FBLN1: variants seen among roughly 807,000 people sequenced by gnomAD.
FBLN1 encodes fibulin-1.
A neutral mutation model predicts 89.7 loss-of-function variants in FBLN1; 34 were observed. The observed-to-expected ratio is 0.38, with a 90% CI of 0.29 to 0.50. The LOEUF is 0.50. FBLN1 is among the 20% of genes least tolerant of loss of function. The probability of loss-of-function intolerance (pLI) is 0.92; values close to 1 mark genes in which losing one functional copy is unlikely to be tolerated. For missense variants in FBLN1, 777 were observed against 988.1 expected (o/e 0.79, Z 2.86); for synonymous variants, 393 against 391.3 (o/e 1.00, Z -0.05).
chr22:45,551,980 G>A (rs574447871), intron 14 of FBLN1, among the ~76,000 whole-genome samples: 1 of 152,380 alleles, frequency 6.6e-6, no homozygotes, highest in South Asian at 2.1e-4. Context: ...CTAAGCCTGA[G>A]GGTGGGCGGG....
chr22:45,600,326 G>T lies in FBLN1; in HGVS notation c.1992G>T (p.Arg664=), dbSNP rs1920924832. Residue 664 remains arginine (R), a synonymous_variant, in exon 17 of 17, where the codon CGG becomes CGT. Transcript: ENST00000327858. The part of the protein sequence containing the change: ...GMTVGVVRQV[R]PIVGPFHAVL... ...CCGCAGGTGTCGTGCGCCAGGTGCG[G>T]CCCATCGTGGGCCCATTTCATGCCG... is the stretch of plus-strand genomic sequence containing the variant. 1.2e-6 allele frequency: 2 copies of T among 1,614,190 alleles called. No individual in the cohort carries two copies. The highest frequency in any genetic ancestry group is 1.7e-6 in the Non-Finnish European group (2 of 1,180,026).
chr22:45,589,672 T>C (rs1018463685), intron 16 of FBLN1, among the ~76,000 whole-genome samples: 2 of 152,086 alleles, frequency 1.3e-5, no homozygotes, highest in African/African-American at 2.4e-5. Context: ...CCTGCTGAAC[T>C]CCAGCAGCGG....
In FBLN1 at chr22:45,518,696, C is replaced by T; in HGVS notation, c.94C>T (p.Leu32Phe). ...TCCCTGCACAGTGGACGCGGATGTC[C>T]TCCTGGAGGCCTGCTGTGCGGACGG... is the stretch of plus-strand genomic sequence containing the variant. ...LLAAGVDADV[L>F]LEACCADGHR... The change falls in exon 2 of 17, where the codon CTC becomes TTC. Residue 32 changes from leucine (L) to phenylalanine (F), a missense_variant. By Grantham distance (22) the Leu-to-Phe change is conservative. Coordinates refer to ENST00000327858, the MANE Select transcript of FBLN1 (RefSeq NM_006486.3). 1.2e-6 allele frequency: 2 copies of T among 1,608,032 alleles called. No individual in the cohort carries two copies. The highest frequency in any genetic ancestry group is 1.7e-6 in the Non-Finnish European group (2 of 1,177,484).
chr22:45,589,089 TATATATAAAAA>T (rs2089113613), intron 16 of FBLN1, among the ~76,000 whole-genome samples: 1 of 127,020 alleles, frequency 7.9e-6, no homozygotes. Context: ...ATATTTTTTA[TATATATAAAAA>T]ATATATAAAA....
At chr22:45,514,417 A>T (rs1157312859) in intron 1 of FBLN1, among the ~76,000 whole-genome samples, 1 of 152,160 alleles carries the variant, frequency 6.6e-6, no homozygotes, top group Non-Finnish European at 1.5e-5. Context: ...TGCTGAGTCC[A>T]CTAGGAAGAT....
intron 14 of FBLN1, among the ~76,000 whole-genome samples, chr22:45,551,892 G>C (rs2088706786): frequency 6.6e-6 from 1 of 152,214 alleles, no homozygotes; most frequent in African/African-American, 2.4e-5. Context: ...TTGTGACCTC[G>C]ATTTCTAACT....
Position 45,579,284 on chromosome 22 carries a change from A to T in FBLN1, c.1972+2176A>T, listed in dbSNP as rs904491183. ...AGAGACCATCCCTTCCTTCTTCCGT[A>T]GGAGGGGAAACTGAGGCCCGGAAGG... On this transcript the variant is annotated intron_variant, in intron 16 of 16. Transcript: ENST00000327858. This position sits in a 1 kb window ranked among gnomAD's most constrained non-coding sequence, Gnocchi z 5.5. Among the ~76,000 whole-genome samples the T allele has an allele frequency of 2.6e-5, 4 of 152,256 alleles. No homozygotes were observed. Among genetic ancestry groups the T allele is most frequent in the Non-Finnish European group, 5.9e-5 (4 of 68,034 alleles).
Position 45,542,197 on chromosome 22 carries a change from G to A in FBLN1, c.1109G>A (p.Gly370Glu). ...CCACCTGCTGAGCCCTGTGGGAAGG[G>A]ACATCGCTGCGTGAACTCTCCCGGC... ...CAPPAEPCGK[G>E]HRCVNSPGSF... The change falls in exon 10 of 17, where the codon GGA becomes GAA. Residue 370 changes from glycine to glutamate, a missense_variant. Physicochemically the swap from Gly to Glu is moderately conservative, Grantham distance 98 (BLOSUM62 -2). Coordinates refer to ENST00000327858, the MANE Select transcript of FBLN1 (RefSeq NM_006486.3). The A allele has an allele frequency of 6.2e-7, 1 of 1,614,220 alleles. No homozygotes were observed. The highest frequency in any genetic ancestry group is 8.5e-7 in the Non-Finnish European group (1 of 1,180,054).
chr22:45,570,473 T>G (rs781767004), intron 14 of FBLN1, among the ~76,000 whole-genome samples: 2 of 151,050 alleles, frequency 1.3e-5, no homozygotes, highest in Non-Finnish European at 3.0e-5. Context: ...GTTAAAAATT[T>G]CAGATGTAAA....
In FBLN1 at chr22:45,562,807, C is replaced by A; in HGVS notation, c.1698-11704C>A. The A allele has an allele frequency of 8.9e-7, 1 of 1,125,070 alleles. No individual in the cohort carries two copies. Among genetic ancestry groups the A allele is most frequent in the South Asian group, 1.2e-5 (1 of 81,002 alleles). 69.7% of individuals were successfully genotyped at this position (1,125,070 alleles called of 1,614,324 possible). A position where few individuals can be genotyped will look rare whatever the true frequency, so the allele number is the denominator to read the frequency against. On this transcript the variant is annotated intron_variant, in intron 14 of 16. Coordinates refer to ENST00000327858, the MANE Select transcript of FBLN1 (RefSeq NM_006486.3). The surrounding 1 kb of genome is among the most constrained non-coding windows in gnomAD (Gnocchi z 7.8). Reference sequence around the variant, plus strand: ...TTGGCTGAATCGGCCAGAGGGGCGGCGGGAGGCCCCGCCTGCCAGCCCCGC... The same window carrying A: ...TTGGCTGAATCGGCCAGAGGGGCGGAGGGAGGCCCCGCCTGCCAGCCCCGC...
intron 14 of FBLN1, among the ~76,000 whole-genome samples, chr22:45,568,319 T>A (rs1201783489): frequency 6.6e-6 from 1 of 152,270 alleles, no homozygotes; most frequent in Non-Finnish European, 1.5e-5. Context: ...TATTACTTCA[T>A]GGTTCTGGAG....
At chr22:45,593,165 A>ACCCCCCCCC (rs2089154064) in intron 16 of FBLN1, among the ~76,000 whole-genome samples, 24 of 68,934 alleles carry the variant, frequency 3.5e-4, no homozygotes, top group South Asian at 7.0e-4. Flanking sequence ...GACCCCCCCC[A>ACCCCCCCCC]CCCCCCGCCA....
At chr22:45,567,417 A>G (rs1021858984) in intron 14 of FBLN1, among the ~76,000 whole-genome samples, 3 of 152,222 alleles carry the variant, frequency 2.0e-5, no homozygotes, top group Admixed American at 2.0e-4. Flanking sequence ...GGAGTTCAAG[A>G]CCAGCCTGGC....
intron 8 of FBLN1, among the ~76,000 whole-genome samples, chr22:45,539,450 C>T (rs373744142): frequency 6.6e-6 from 1 of 152,078 alleles, no homozygotes; most frequent in Admixed American, 6.5e-5. Context: ...ATCCACCCCT[C>T]GGCTTCCCAA....
intron 1 of FBLN1, chr22:45,517,411 T>A: frequency 2.6e-6 from 1 of 377,490 alleles, no homozygotes; most frequent in South Asian, 2.0e-5. Context: ...CAATGGGGTC[T>A]TCTCCCTTCC....
rs559372985 is a variant in FBLN1, at chr22:45,509,278, C to T, written c.79+6214C>T. On this transcript the variant is annotated intron_variant, in intron 1 of 16. Coordinates refer to ENST00000327858, the MANE Select transcript of FBLN1 (RefSeq NM_006486.3). ...CTGGGCTGATGTAGGAAGTTGCTGC[C>T]GGGGCCAGAGCTGCCTGGAGGGAAC... 5.9e-5 allele frequency among the ~76,000 whole-genome samples: 9 copies of T among 152,268 alleles called. 1 individual carries two copies. The highest frequency in any genetic ancestry group is 1.4e-4 in the African/African-American group (6 of 41,536).
At chr22:45,521,909 C>T (rs2088256343) in intron 2 of FBLN1, among the ~76,000 whole-genome samples, 1 of 152,054 alleles carries the variant, frequency 6.6e-6, no homozygotes. Flanking sequence ...TACAAGAATC[C>T]TCTTAATAGT....
chr22:45,525,909 C>CG (rs1217220441), intron 3 of FBLN1, among the ~76,000 whole-genome samples: 1 of 152,174 alleles, frequency 6.6e-6, no homozygotes, highest in Non-Finnish European at 1.5e-5. Flanking sequence ...CCCACGAGGC[C>CG]GGGGGGTGAA....
chr22:45,541,453 G>T (rs1193765809), intron 9 of FBLN1, 81 bp downstream of exon 9: 2 of 1,568,540 alleles, frequency 1.3e-6, no homozygotes, highest in Non-Finnish European at 1.7e-6. Flanking sequence ...GAAGCAGAAA[G>T]TTGATCCCCA....
Sources: gnomAD v4.1 joint callset for allele counts (sites outside exome capture counted in the v4.1 genomes callset) on GRCh38, gnomAD v4.1.1 for gene constraint, Gnocchi (gnomAD v3.1) non-coding constraint, MANE v1.5 for transcripts, NCBI Gene and HGNC (gene_info 2026-07-23, HGNC 2026-07-21) for gene names.